ACSS2: variants seen among roughly 807,000 people sequenced by gnomAD.
ACSS2 encodes the protein acyl-CoA synthetase short chain family member 2, also known as acetyl-coenzyme A synthetase, cytoplasmic.
In ACSS2, 58 loss-of-function variants were observed where a neutral mutation model predicts 90.6. The observed-to-expected ratio is 0.64, with a 90% CI of 0.52 to 0.80. The LOEUF (loss-of-function observed/expected upper bound fraction) is 0.80. Ranked by LOEUF, ACSS2 falls within the 30% of genes least tolerant of loss-of-function variation. The probability of loss-of-function intolerance (pLI) is 0.00; values close to 1 mark genes in which losing one functional copy is unlikely to be tolerated. For synonymous variants in ACSS2, 300 were observed against 330.9 expected (o/e 0.91, Z 1.01); for missense variants, 759 against 912.0 (o/e 0.83, Z 2.16).
intron 2 of ACSS2, among the ~76,000 whole-genome samples, chr20:34,912,712 A>T (rs2080989279): frequency 6.6e-6 from 1 of 152,236 alleles, no homozygotes; most frequent in Non-Finnish European, 1.5e-5. Flanking sequence ...TAGATGATTT[A>T]GGCACAAGTG....
Position 34,921,102 on chromosome 20 carries a change from C to T in ACSS2, c.1240C>T (p.Arg414Cys), listed in dbSNP as rs780837244. 6.8e-6 allele frequency: 11 copies of T among 1,614,168 alleles called. No individual in the cohort carries two copies. The highest frequency in any genetic ancestry group is 2.2e-5 in the East Asian group (1 of 44,878). The change falls in exon 10 of 18, where the codon CGT becomes TGT. Residue 414 changes from arginine to cysteine, a missense_variant. Transcript: ENST00000360596. ...GTTCTACACAGCACCCACAGCCATC[C>T]GTCTGCTCATGAAGTTTGGAGATGA... ...TKFYTAPTAI[R>C]LLMKFGDEPV...
Position 34,927,302 on chromosome 20 carries a change from T to G in ACSS2, c.*88T>G. 1 of 1,538,878 alleles carries G rather than the reference T, an allele frequency of 6.5e-7. No homozygotes were observed. Among genetic ancestry groups the G allele is most frequent in the Non-Finnish European group, 8.9e-7 (1 of 1,128,378 alleles). ...CCTCAGGAGTGCTGAGGGCCAGTGTTGACCCACACTACCCTCCCTTGACCA... is the reference window on the plus strand; with the variant it reads ...CCTCAGGAGTGCTGAGGGCCAGTGTGGACCCACACTACCCTCCCTTGACCA... On this transcript the variant is annotated 3_prime_UTR_variant, in exon 18 of 18. Transcript: ENST00000360596. The surrounding 1 kb of genome is among the most constrained non-coding windows in gnomAD (Gnocchi z 4.2).
intron 1 of ACSS2, among the ~76,000 whole-genome samples, chr20:34,881,943 C>T (rs6088636): frequency 0.55 from 83,160 of 151,932 alleles, 23,435 homozygotes; most frequent in South Asian, 0.74. Context: ...AGAGAATGCA[C>T]GAATTAAGAG....
chr20:34,880,366 GGC>G (rs2080041015), intron 1 of ACSS2, among the ~76,000 whole-genome samples: 2 of 151,730 alleles, frequency 1.3e-5, no homozygotes, highest in Non-Finnish European at 2.9e-5. Flanking sequence ...TGGGTAATAT[GGC>G]CAAACCCTGT....
intron 2 of ACSS2, among the ~76,000 whole-genome samples, chr20:34,899,423 T>TCTTTCTTTCCTTCCTTCC (rs1555882567): frequency 1.3e-4 from 15 of 113,076 alleles, no homozygotes; most frequent in Admixed American, 3.7e-4. Context: ...TCTTTCTTTC[T>TCTTTCTTTCCTTCCTTCC]TTCCTTCCTT....
At chr20:34,903,705 G>A (rs1404215793) in intron 2 of ACSS2, among the ~76,000 whole-genome samples, 1 of 151,782 alleles carries the variant, frequency 6.6e-6, no homozygotes, top group Non-Finnish European at 1.5e-5. Context: ...TGTAGTTCTA[G>A]GGAATTAAAA....
At chr20:34,919,646 T>C in intron 8 of ACSS2, 74 bp downstream of exon 8, 9 of 1,502,866 alleles carry the variant, frequency 6.0e-6, no homozygotes, top group Non-Finnish European at 7.2e-6. Flanking sequence ...GAAGTAAGTT[T>C]CTGAGGAAAC....
intron 1 of ACSS2, among the ~76,000 whole-genome samples, chr20:34,879,496 G>GACACACACACAC (rs11467604): frequency 8.9e-4 from 132 of 147,894 alleles, no homozygotes; most frequent in African/African-American, 2.8e-3. Flanking sequence ...TCCAGATTCT[G>GACACACACACAC]ACACACACAC....
At chr20:34,906,416 C>T (rs1310951952) in intron 2 of ACSS2, among the ~76,000 whole-genome samples, 3 of 151,758 alleles carry the variant, frequency 2.0e-5, no homozygotes, top group Non-Finnish European at 4.4e-5. Context: ...CCTCACCTTT[C>T]CCAACCAGCC....
At chr20:34,916,276 T>C (rs1371161348) in intron 7 of ACSS2, among the ~76,000 whole-genome samples, 1 of 152,244 alleles carries the variant, frequency 6.6e-6, no homozygotes, top group Non-Finnish European at 1.5e-5. Context: ...GTTCAAATCC[T>C]GGCTCTGCCA....
intron 5 of ACSS2, 47 bp downstream of exon 5, chr20:34,913,872 C>T (rs1234331705): frequency 6.3e-7 from 1 of 1,575,726 alleles, no homozygotes; most frequent in East Asian, 2.2e-5. Flanking sequence ...ATACCTCAAG[C>T]CTTGGTCTCC....
chr20:34,877,909 C>CAGATAGACAGATAGATAGATAGATAGAT, intron 1 of ACSS2, among the ~76,000 whole-genome samples: 1 of 146,630 alleles, frequency 6.8e-6, no homozygotes, highest in East Asian at 2.0e-4. Flanking sequence ...GATAGATAGA[C>CAGATAGACAGATAGATAGATAGATAGAT]AGATAGATAG....
chr20:34,912,563 G>A (rs1157778504), intron 2 of ACSS2: 3 of 163,234 alleles, frequency 1.8e-5, no homozygotes, highest in Non-Finnish European at 2.7e-5. Flanking sequence ...GATTACAGGC[G>A]TGAGCCACCG....
At chr20:34,891,553 A>T (rs1157786949) in intron 2 of ACSS2, among the ~76,000 whole-genome samples, 1 of 152,150 alleles carries the variant, frequency 6.6e-6, no homozygotes, top group African/African-American at 2.4e-5. Context: ...AAGGTTTGGA[A>T]TGAAGGGGCT....
chr20:34,904,214 C>T (rs2080742695), intron 2 of ACSS2, among the ~76,000 whole-genome samples: 1 of 149,772 alleles, frequency 6.7e-6, no homozygotes, highest in Non-Finnish European at 1.5e-5. Context: ...GAACCTGGGG[C>T]TGGAGAGGAG....
At chr20:34,915,387 T>C in intron 7 of ACSS2, 1 of 1,011,464 alleles carries the variant, frequency 9.9e-7, no homozygotes, top group South Asian at 1.3e-5. Context: ...CCTGGGCAAC[T>C]TGACATCTAA....
At chr20:34,885,386 T>C (rs1177471964) in intron 2 of ACSS2, among the ~76,000 whole-genome samples, 1 of 152,164 alleles carries the variant, frequency 6.6e-6, no homozygotes, top group East Asian at 1.9e-4. Flanking sequence ...AGGCCCTTTC[T>C]TTCTAGAGAC....
At chr20:34,925,459 GC>G (rs1389225720) in intron 14 of ACSS2, among the ~76,000 whole-genome samples, 2 of 152,028 alleles carry the variant, frequency 1.3e-5, no homozygotes, top group African/African-American at 2.4e-5. Context: ...TATCACTTCT[GC>G]CAAATCCTAT....
Position 34,919,427 on chromosome 20 carries a change from C to T in ACSS2, c.835-8C>T, listed in dbSNP as rs758525519. 4 of 1,613,704 alleles carry T rather than the reference C, an allele frequency of 2.5e-6. No homozygotes were observed. The highest frequency in any genetic ancestry group is 1.7e-5 in the Admixed American group (1 of 59,998). On this transcript the variant is annotated splice_polypyrimidine_tract_variant and splice_region_variant and intron_variant, in intron 7 of 17. Transcript: ENST00000360596. ...CTGTTCACAGTTCTTCCCTGCCCATCCCTGCAGATCTCATGGAACCAAGGG... is the reference window on the plus strand; with the variant it reads ...CTGTTCACAGTTCTTCCCTGCCCATTCCTGCAGATCTCATGGAACCAAGGG...
Sources: gnomAD v4.1 joint callset for allele counts (sites outside exome capture counted in the v4.1 genomes callset) on GRCh38, gnomAD v4.1.1 for gene constraint, Gnocchi (gnomAD v3.1) non-coding constraint, MANE v1.5 for transcripts, NCBI Gene and HGNC (gene_info 2026-07-23, HGNC 2026-07-21) for gene names.